The following DNAH5 variants were observed in gnomAD, a reference collection of about 807,000 sequenced individuals.
DNAH5 encodes the protein dynein axonemal heavy chain 5, also known as axonemal beta dynein heavy chain 5.
DNAH5 carries 372 observed loss-of-function variants against 518.2 expected under a neutral mutation model. The ratio of observed to expected loss-of-function variants is 0.72; its 90% confidence interval spans 0.66 to 0.78. The LOEUF (loss-of-function observed/expected upper bound fraction) is 0.78, where lower values mean the gene tolerates loss of function less well. DNAH5 is among the 30% of genes least tolerant of loss of function. DNAH5 has a pLI of 0.00. For synonymous variants in DNAH5, 2,039 were observed against 2,025.9 expected, an observed-to-expected ratio of 1.01 and a Z score of -0.17; for missense variants, 5,523 against 5,687.0, an observed-to-expected ratio of 0.97 and a Z score of 0.93.
chr5:13,877,158 G>C (rs560233840), intron 21 of DNAH5, among the ~76,000 whole-genome samples: 1 of 152,114 alleles, frequency 6.6e-6, no homozygotes, highest in Non-Finnish European at 1.5e-5. Context: ...TATAACTGGA[G>C]GAAAAAAACC....
Position 13,752,147 on chromosome 5 carries a change from C to T in DNAH5, c.11015G>A (p.Gly3672Glu). The T allele has an allele frequency of 6.2e-7, 1 of 1,613,838 alleles. No individual in the cohort carries two copies. The highest frequency in any genetic ancestry group is 8.5e-7 in the Non-Finnish European group (1 of 1,179,892). Residue 3672 changes from glycine (G) to glutamate (E), a missense_variant, in exon 64 of 79, where the codon GGG becomes GAG. This residue lies in a region of DNAH5 where 5,121 missense variants were observed against 5,223.3 expected (regional missense o/e 0.98). Transcript: ENST00000265104. ...GGTTTAACCTACCTTAAAGGTAGAC[C>T]CAGTTTTAATGAAGTTTCTTTCCAA... ...NVLERNFIKT[G>E]STFKVKVGDK...
intron 4 of DNAH5, 29 bp downstream of exon 4, chr5:13,923,251 C>A: frequency 5.0e-6 from 8 of 1,613,918 alleles, no homozygotes; most frequent in Non-Finnish European, 5.9e-6. Flanking sequence ...TTTGGTAATT[C>A]AGAGTAAACA....
intron 50 of DNAH5, among the ~76,000 whole-genome samples, chr5:13,789,660 A>T (rs977612604): frequency 6.6e-6 from 1 of 152,238 alleles, no homozygotes; most frequent in African/African-American, 2.4e-5. Context: ...AGTATATTCA[A>T]TGATTCAGTT....
chr5:13,747,975 T>A lies in DNAH5; in HGVS notation c.11211+3103A>T, dbSNP rs536110104. ...GCCCATGCCTATGTCCTGAATGGTA[T>A]TGCCTAGGTTTTCTTCTAGGGTTTT... On this transcript the variant is annotated intron_variant, in intron 65 of 78. Transcript: ENST00000265104. 2.6e-3 allele frequency among the ~76,000 whole-genome samples: 397 copies of A among 152,324 alleles called. 4 individuals are homozygous for A. Among genetic ancestry groups the A allele is most frequent in the African/African-American group, 9.3e-3 (386 of 41,566 alleles).
chr5:13,812,552 T>G lies in DNAH5; in HGVS notation c.7231-729A>C, dbSNP rs1459979827. Reference sequence around the variant, plus strand: ...AACTCCTTGCCTCAAGCAATCTGCCTGCCTCGGCCTCCCAAAGCGCTGGGA... The same window carrying G: ...AACTCCTTGCCTCAAGCAATCTGCCGGCCTCGGCCTCCCAAAGCGCTGGGA... On this transcript the variant is annotated intron_variant, in intron 43 of 78. Coordinates refer to ENST00000265104, the MANE Select transcript of DNAH5 (RefSeq NM_001369.3). Among the ~76,000 whole-genome samples, 3 of 152,186 alleles carry G rather than the reference T, an allele frequency of 2.0e-5. No homozygotes were observed. The East Asian group carries it at 5.8e-4, about 29-fold the overall frequency.
chr5:13,738,105 G>A (rs1747844813), intron 65 of DNAH5, among the ~76,000 whole-genome samples: 1 of 149,796 alleles, frequency 6.7e-6, no homozygotes, highest in Admixed American at 6.7e-5. Flanking sequence ...AAAAAAAGGA[G>A]GAGGAGAAGT....
intron 65 of DNAH5, among the ~76,000 whole-genome samples, chr5:13,750,103 G>C (rs538075930): frequency 6.6e-6 from 1 of 152,232 alleles, no homozygotes; most frequent in African/African-American, 2.4e-5. Flanking sequence ...AGGAGAAAGA[G>C]ATAGACATGT....
At chr5:13,873,748 A>G (rs113783259) in intron 22 of DNAH5, among the ~76,000 whole-genome samples, 19 of 152,098 alleles carry the variant, frequency 1.2e-4, no homozygotes, top group Non-Finnish European at 2.5e-4. Context: ...TGATCCTCTC[A>G]TCTCGGCCTC....
chr5:13,758,714 G>C, intron 61 of DNAH5, 132 bp downstream of exon 61: 1 of 1,310,786 alleles, frequency 7.6e-7, no homozygotes, highest in Admixed American at 1.7e-5. Context: ...TCTCATCAAA[G>C]ACCCTTGGTG....
chr5:13,776,435 T>C lies in DNAH5; in HGVS notation c.9373+4A>G. On this transcript the variant is annotated splice_donor_region_variant and intron_variant, in intron 55 of 78. Transcript: ENST00000265104. ...TGCCCTGGCATAAACATTTCCATACTAACCAGCAACTAAAGCATCTTTGGG... is the reference window on the plus strand; with the variant it reads ...TGCCCTGGCATAAACATTTCCATACCAACCAGCAACTAAAGCATCTTTGGG... 6.2e-7 allele frequency: 1 copy of C among 1,613,716 alleles called. No individual in the cohort carries two copies. Among genetic ancestry groups the C allele is most frequent in the Non-Finnish European group, 8.5e-7 (1 of 1,179,682 alleles).
chr5:13,857,640 G>C (rs1767815571), intron 30 of DNAH5, among the ~76,000 whole-genome samples: 1 of 152,122 alleles, frequency 6.6e-6, no homozygotes, highest in Non-Finnish European at 1.5e-5. Flanking sequence ...AACCAAAACA[G>C]CATGGTACTG....
At chr5:13,977,637 T>G (rs1202605452) in intron 1 of DNAH5, among the ~76,000 whole-genome samples, 2 of 152,210 alleles carry the variant, frequency 1.3e-5, no homozygotes, top group East Asian at 3.9e-4. Flanking sequence ...ACTGCCAGAC[T>G]AGCAACTCCA....
In DNAH5 at chr5:13,814,922, T is replaced by A; in HGVS notation, c.6989-76A>T. On this transcript the variant is annotated intron_variant, in intron 42 of 78. Transcript: ENST00000265104. The stretch of plus-strand genomic sequence containing the variant: ...CATGTACACATAAGTTTAAAATAGC[T>A]TGAAGAACTATTATATTAGATGTAA... 3.7e-6 allele frequency: 5 copies of A among 1,343,836 alleles called. No homozygotes were observed. In the South Asian group the frequency reaches 5.0e-5, roughly 13 times the overall value. 83.2% of individuals were successfully genotyped at this position (1,343,836 alleles called of 1,614,324 possible). A position where few individuals can be genotyped will look rare whatever the true frequency, so the allele number is the denominator to read the frequency against.
At chr5:13,733,616 CAATT>C (rs1746922413) in intron 68 of DNAH5, among the ~76,000 whole-genome samples, 1 of 152,078 alleles carries the variant, frequency 6.6e-6, no homozygotes, top group African/African-American at 2.4e-5. Flanking sequence ...TGGTTAGACA[CAATT>C]AAAGAGAGAG....
At chr5:13,862,375 G>A (rs1056389445) in intron 29 of DNAH5, among the ~76,000 whole-genome samples, 173 bp downstream of exon 29, 1 of 152,162 alleles carries the variant, frequency 6.6e-6, no homozygotes, top group Non-Finnish European at 1.5e-5. Context: ...GTGGGTACCT[G>A]AGTAAAAATA....
At chr5:13,996,928 G>A (rs1359353738) in intron 1 of DNAH5, among the ~76,000 whole-genome samples, 1 of 152,208 alleles carries the variant, frequency 6.6e-6, no homozygotes, top group Non-Finnish European at 1.5e-5. Flanking sequence ...ATTACCTACT[G>A]GGGACTCTCT....
At chr5:13,914,785 T>A in intron 9 of DNAH5, 143 bp from the exon 10 acceptor site, 1 of 799,330 alleles carries the variant, frequency 1.3e-6, no homozygotes, top group Non-Finnish European at 2.0e-6. Flanking sequence ...CCATCACAGT[T>A]ATAATCCACC....
In DNAH5 at chr5:13,900,595, T is replaced by G. The variant is rs1204534581; in HGVS notation, c.2053-183A>C. On this transcript the variant is annotated intron_variant, in intron 14 of 78. Transcript: ENST00000265104. ...CAGTCTCATACAATAGCCTTCAAGT[T>G]CTTGGTGTTGATGTTGGGCAGTCAA... The G allele has an allele frequency of 4.8e-6, 3 of 626,542 alleles. No individual in the cohort carries two copies. The African/African-American group carries it at 5.5e-5, about 11-fold the overall frequency. The allele number at this position is 626,542 out of a possible 1,614,324, so 38.8% of individuals were successfully genotyped here.
At chr5:13,834,250 A>T (rs925762896) in intron 35 of DNAH5, among the ~76,000 whole-genome samples, 22 of 152,206 alleles carry the variant, frequency 1.4e-4, no homozygotes, top group African/African-American at 4.3e-4. Flanking sequence ...AAAAAATACA[A>T]GACAATGAAC....
Sources: gnomAD v4.1 joint callset for allele counts (sites outside exome capture counted in the v4.1 genomes callset) on GRCh38, gnomAD v4.1.1 for gene constraint, gnomAD v4.1.1 regional missense constraint, MANE v1.5 for transcripts, NCBI Gene and HGNC (gene_info 2026-07-23, HGNC 2026-07-21) for gene names.